Variants in GRID2 observed in about 807,000 individuals in gnomAD.
GRID2 encodes the protein glutamate receptor ionotropic, delta-2.
A neutral mutation model predicts 114.8 loss-of-function variants in GRID2; 33 were observed. The observed-to-expected ratio is 0.29, with a 90% confidence interval of 0.22 to 0.38. The LOEUF is 0.38. Ranked by LOEUF, GRID2 falls within the 10% of genes least tolerant of loss-of-function variation. The probability of loss-of-function intolerance (pLI) is 1.00; values close to 1 mark genes in which losing one functional copy is unlikely to be tolerated. For missense variants in GRID2, 1,184 were observed against 1,257.7 expected, an observed-to-expected ratio of 0.94 and a Z score of 0.89; for synonymous variants, 505 against 449.9, an observed-to-expected ratio of 1.12 and a Z score of -1.55.
chr4:92,926,963 G>A (rs894489756), intron 2 of GRID2, among the ~76,000 whole-genome samples: 3 of 151,786 alleles, frequency 2.0e-5, no homozygotes, highest in African/African-American at 7.3e-5. Context: ...TTCAACACAT[G>A]AACTTTAGGA....
intron 8 of GRID2, among the ~76,000 whole-genome samples, chr4:93,261,254 A>G (rs1750224140): frequency 6.6e-6 from 1 of 151,938 alleles, no homozygotes; most frequent in Non-Finnish European, 1.5e-5. Flanking sequence ...CAGTATCTGT[A>G]GTTCCACCAC....
intron 8 of GRID2, among the ~76,000 whole-genome samples, chr4:93,376,271 G>C (rs150839075): frequency 0.01 from 1,530 of 152,204 alleles, 15 homozygotes; most frequent in South Asian, 0.045. Flanking sequence ...ACAAAAAAAG[G>C]AGACAAACAT....
intron 4 of GRID2, among the ~76,000 whole-genome samples, chr4:93,134,875 T>C (rs934075510): frequency 4.6e-5 from 7 of 152,076 alleles, no homozygotes; most frequent in African/African-American, 1.7e-4. Context: ...AATGTATGCC[T>C]CGTTGCCCCT....
At chr4:92,530,853 G>A (rs1000349735) in intron 1 of GRID2, among the ~76,000 whole-genome samples, 4 of 151,986 alleles carry the variant, frequency 2.6e-5, no homozygotes, top group Non-Finnish European at 5.9e-5. Flanking sequence ...GTTTCAGTGA[G>A]CTGAGATCAT....
intron 14 of GRID2, among the ~76,000 whole-genome samples, chr4:93,756,793 G>A (rs1020841545): frequency 6.6e-6 from 1 of 152,184 alleles, no homozygotes; most frequent in African/African-American, 2.4e-5. Context: ...GACAAATCAA[G>A]TTAACAAATA....
intron 14 of GRID2, among the ~76,000 whole-genome samples, chr4:93,765,541 T>A (rs1370098049): frequency 6.6e-6 from 1 of 151,698 alleles, no homozygotes; most frequent in Non-Finnish European, 1.5e-5. Context: ...CTAAAAATTC[T>A]GCAATTAAAT....
chr4:93,162,146 T>C (rs564489562), intron 4 of GRID2, among the ~76,000 whole-genome samples: 3 of 151,946 alleles, frequency 2.0e-5, no homozygotes, highest in South Asian at 2.1e-4. Context: ...TCCTTATTCT[T>C]TGTGAATTTT....
chr4:92,502,381 G>T (rs1257988225), intron 1 of GRID2, among the ~76,000 whole-genome samples: 1 of 151,600 alleles, frequency 6.6e-6, no homozygotes, highest in Non-Finnish European at 1.5e-5. Flanking sequence ...AACTGCAGAT[G>T]ATTTCAACTC....
At chr4:93,772,025 C>A in intron 15 of GRID2, 51 bp from the exon 16 acceptor site, 1 of 1,056,968 alleles carries the variant, frequency 9.5e-7, no homozygotes. Context: ...TTTTTTTAAC[C>A]ATCAAAGCTA....
chr4:92,492,957 C>A (rs886812491), intron 1 of GRID2, among the ~76,000 whole-genome samples: 4 of 151,438 alleles, frequency 2.6e-5, no homozygotes, highest in Non-Finnish European at 5.9e-5. Flanking sequence ...GGTGAAACCC[C>A]GTCTCTACTA....
intron 2 of GRID2, among the ~76,000 whole-genome samples, chr4:92,741,391 C>T (rs979085182): frequency 2.0e-5 from 3 of 152,070 alleles, no homozygotes; most frequent in African/African-American, 7.2e-5. Flanking sequence ...TAATCAATTC[C>T]TTATAGGTCC....
intron 8 of GRID2, among the ~76,000 whole-genome samples, chr4:93,316,308 G>GAAAGAAAGAA (rs1553907404): frequency 1.8e-5 from 2 of 113,020 alleles, no homozygotes; most frequent in Non-Finnish European, 3.6e-5. Flanking sequence ...AAGAAAGAAA[G>GAAAGAAAGAA]AAAGAAAGAA....
chr4:93,083,695 C>CA (rs34205612), intron 2 of GRID2, among the ~76,000 whole-genome samples: 1,639 of 75,008 alleles, frequency 0.022, 24 homozygotes, highest in African/African-American at 0.038. Context: ...GACTCCATCT[C>CA]AAAAAAAAAA....
chr4:92,314,224 T>C (rs1725851714), intron 1 of GRID2, among the ~76,000 whole-genome samples: 1 of 152,118 alleles, frequency 6.6e-6, no homozygotes. Context: ...TCAAATTTCA[T>C]AGAAATTTTT....
In GRID2 at chr4:92,554,630, C is replaced by G. The variant is rs72661944; in HGVS notation, c.89-35501C>G. Among the ~76,000 whole-genome samples the G allele has an allele frequency of 3.5e-3, 536 of 152,172 alleles. 2 individuals carry two copies. The highest frequency in any genetic ancestry group is 6.2e-3 in the Non-Finnish European group (419 of 67,990). On this transcript the variant is annotated intron_variant, in intron 1 of 15. Transcript: ENST00000282020. ...TAATTTTTGGTAGAAAAAAATCTATCCATTGGACATTTTTCATTTCACCTT... is the reference window on the plus strand; with the variant it reads ...TAATTTTTGGTAGAAAAAAATCTATGCATTGGACATTTTTCATTTCACCTT...
chr4:93,059,271 T>G (rs1727555448), intron 2 of GRID2, among the ~76,000 whole-genome samples: 1 of 152,134 alleles, frequency 6.6e-6, no homozygotes. Flanking sequence ...TTCTCCAACT[T>G]TTATTGAAGT....
At chr4:92,845,686 TTTG>T (rs1415683625) in intron 2 of GRID2, among the ~76,000 whole-genome samples, 8 of 152,084 alleles carry the variant, frequency 5.3e-5, no homozygotes, top group Admixed American at 3.3e-4. Flanking sequence ...GAGAAGCAAT[TTTG>T]TTGTTGTTGC....
At chr4:93,676,839 A>G (rs1213516549) in intron 14 of GRID2, among the ~76,000 whole-genome samples, 1 of 151,698 alleles carries the variant, frequency 6.6e-6, no homozygotes, top group African/African-American at 2.4e-5. Context: ...TACAGCTCCT[A>G]GTGTGAGCGA....
intron 2 of GRID2, among the ~76,000 whole-genome samples, chr4:92,915,668 A>C (rs1004085712): frequency 1.3e-5 from 2 of 152,122 alleles, no homozygotes; most frequent in African/African-American, 4.8e-5. Flanking sequence ...AGTGGAACTA[A>C]TTTACACTCC....
Sources: gnomAD v4.1 joint callset for allele counts (sites outside exome capture counted in the v4.1 genomes callset) on GRCh38, gnomAD v4.1.1 for gene constraint, MANE v1.5 for transcripts, NCBI Gene and HGNC (gene_info 2026-07-23, HGNC 2026-07-21) for gene names.